ZNF175: variants seen among roughly 807,000 people sequenced by gnomAD.
ZNF175 encodes the protein zinc finger protein OTK18.
ZNF175 carries 8 observed loss-of-function variants against 14.0 expected under a neutral mutation model. The observed-to-expected ratio is 0.57, with a 90% CI of 0.34 to 1.03. The LOEUF is 1.03. Ranked by LOEUF, ZNF175 falls within the 50% of genes least tolerant of loss-of-function variation. ZNF175 has a pLI of 0.03. For missense variants in ZNF175, 764 were observed against 849.5 expected (o/e 0.90, Z 1.25); for synonymous variants, 255 against 296.8 (o/e 0.86, Z 1.45).
In ZNF175 at chr19:51,587,162, A is replaced by G; in HGVS notation, c.831A>G (p.Lys277=). Residue 277 remains lysine, a synonymous_variant, in exon 5 of 5, where the codon AAA becomes AAG. Transcript: ENST00000262259. ...AACATCAAATTCATACTCAGAAGAA[A>G]CCAGATGGATGTTCTGAATGTGGGG... ...LKQHQIHTQK[K]PDGCSECGGS... 1 of 1,614,204 alleles carries G rather than the reference A, an allele frequency of 6.2e-7. No individual in the cohort carries two copies. The highest frequency in any genetic ancestry group is 8.5e-7 in the Non-Finnish European group (1 of 1,180,026).
Position 51,589,518 on chromosome 19 carries a change from C to G in ZNF175, c.*1051C>G. 2 of 700,850 alleles carry G rather than the reference C, an allele frequency of 2.9e-6. No individual in the cohort carries two copies. Among genetic ancestry groups the G allele is most frequent in the Non-Finnish European group, 5.2e-6 (2 of 384,376 alleles). 43.4% of individuals were successfully genotyped at this position (700,850 alleles called of 1,614,324 possible). ...ATGAGATTCTATAATGTTTACTGAT[C>G]TTTATATTACAGATTTTCTCTTCTT... On this transcript the variant is annotated 3_prime_UTR_variant, in exon 5 of 5. Transcript: ENST00000262259.
At chr19:51,575,208 GGTTTTTTTTTTTT>G (rs1224479512) in intron 2 of ZNF175, among the ~76,000 whole-genome samples, 2,481 of 99,320 alleles carry the variant, frequency 0.025, 119 homozygotes, top group African/African-American at 0.092. Flanking sequence ...TTTTTAGAGA[GGTTTTTTTTTTTT>G]TTTTTTTTTT....
At chr19:51,583,736 A>G (rs1982085392) in intron 4 of ZNF175, among the ~76,000 whole-genome samples, 1 of 152,182 alleles carries the variant, frequency 6.6e-6, no homozygotes. Context: ...CTTTTCAGTG[A>G]TATTGTCCTC....
chr19:51,573,383 G>A lies in ZNF175; in HGVS notation c.54G>A (p.Lys18=). ...AGCCTCAGGTCCTGGGTCCAGAGAA[G>A]CAGGATGGATCTTGCGAGGTAAACA... The part of the protein sequence containing the change: ...SQKPQVLGPE[K]QDGSCEASVS... The change falls in exon 2 of 5, where the codon AAG becomes AAA. Residue 18 remains lysine, a synonymous_variant. Coordinates refer to ENST00000262259, the MANE Select transcript of ZNF175 (RefSeq NM_007147.4). The A allele has an allele frequency of 6.2e-7, 1 of 1,612,508 alleles. No homozygotes were observed. The highest frequency in any genetic ancestry group is 2.2e-5 in the East Asian group (1 of 44,662).
chr19:51,571,823 A>C (rs1034103653), intron 1 of ZNF175, among the ~76,000 whole-genome samples: 1 of 152,184 alleles, frequency 6.6e-6, no homozygotes, highest in African/African-American at 2.4e-5. Flanking sequence ...CAGAGGTTGG[A>C]GGACTTTGAG....
intron 2 of ZNF175, among the ~76,000 whole-genome samples, chr19:51,576,252 C>T (rs1366915079): frequency 6.6e-6 from 1 of 151,110 alleles, no homozygotes; most frequent in Admixed American, 6.6e-5. Flanking sequence ...TGGGTTCAAG[C>T]CATTCTCCTG....
rs374825566 is a variant in ZNF175 at position 51,577,853 on chromosome 19, T to C, written c.73-3538T>C. On this transcript the variant is annotated intron_variant, in intron 2 of 4. Transcript: ENST00000262259. ...TAATTTTTTGTATTTTTAGTAGAGA[T>C]GGGGTTTCACCGTGTTAGCCAGGAT... Among the ~76,000 whole-genome samples the C allele has an allele frequency of 5.4e-3, 812 of 151,480 alleles. 8 individuals are homozygous for C. Among genetic ancestry groups the C allele is most frequent in the Middle Eastern group, 0.017 (5 of 292 alleles).
chr19:51,577,745 G>C lies in ZNF175; in HGVS notation c.73-3646G>C, dbSNP rs1037257101. Among the ~76,000 whole-genome samples the C allele has an allele frequency of 6.9e-5, 10 of 145,216 alleles. No homozygotes were observed. In the East Asian group the frequency reaches 1.3e-3, roughly 19 times the overall value. ...GTGGCACGATCTTGGCTCACTGCAA[G>C]CTCCGCCTCCCGGGTTCACGCCATT... On this transcript the variant is annotated intron_variant, in intron 2 of 4. Coordinates refer to ENST00000262259, the MANE Select transcript of ZNF175 (RefSeq NM_007147.4).
Position 51,589,227 on chromosome 19 carries a change from C to T in ZNF175, c.*760C>T. ...CTATGTATGTATATATATGCATATG[C>T]AGACATATGTATATGGTCTGGTCAG... On this transcript the variant is annotated 3_prime_UTR_variant, in exon 5 of 5. Coordinates refer to ENST00000262259, the MANE Select transcript of ZNF175 (RefSeq NM_007147.4). 3.4e-6 allele frequency: 1 copy of T among 293,254 alleles called. No homozygotes were observed. The highest frequency in any genetic ancestry group is 8.3e-5 in the South Asian group (1 of 12,118). 18.2% of individuals were successfully genotyped at this position (293,254 alleles called of 1,614,324 possible). A position where few individuals can be genotyped will look rare whatever the true frequency, so the allele number is the denominator to read the frequency against.
Position 51,589,481 on chromosome 19 carries a change from G to A in ZNF175, c.*1014G>A, listed in dbSNP as rs1446791178. 2.9e-6 allele frequency: 2 copies of A among 687,570 alleles called. No homozygotes were observed. Among genetic ancestry groups the A allele is most frequent in the South Asian group, 1.6e-5 (1 of 64,164 alleles). 42.6% of individuals were successfully genotyped at this position (687,570 alleles called of 1,614,324 possible). On this transcript the variant is annotated 3_prime_UTR_variant, in exon 5 of 5. Coordinates refer to ENST00000262259, the MANE Select transcript of ZNF175 (RefSeq NM_007147.4). ...ACATACACATGAATGTGCATTTTTGGTAAATGCATAAATGAGATTCTATAA... is the reference window on the plus strand; with the variant it reads ...ACATACACATGAATGTGCATTTTTGATAAATGCATAAATGAGATTCTATAA...
chr19:51,581,303 A>G lies in ZNF175; in HGVS notation c.73-88A>G. The G allele has an allele frequency of 7.5e-6, 12 of 1,596,020 alleles. No homozygotes were observed. In the South Asian group the frequency reaches 1.3e-4, roughly 18 times the overall value. ...GCCTCTGTGATGGATCGTGGTGAAA[A>G]TCATTAAAAGCATGTTCCTCCTATA... On this transcript the variant is annotated intron_variant, in intron 2 of 4. Transcript: ENST00000262259.
At chr19:51,585,109 G>A (rs151190729) in intron 4 of ZNF175, among the ~76,000 whole-genome samples, 3 of 152,178 alleles carry the variant, frequency 2.0e-5, no homozygotes, top group Admixed American at 6.5e-5. Context: ...AACAAAATGT[G>A]GTCTATACAT....
chr19:51,583,259 C>T (rs1385266387), intron 4 of ZNF175, among the ~76,000 whole-genome samples: 2 of 152,184 alleles, frequency 1.3e-5, no homozygotes, highest in Admixed American at 1.3e-4. Flanking sequence ...ACCTCTAGTC[C>T]CTGTGCTTAA....
Position 51,589,884 on chromosome 19 carries a change from AAC to A in ZNF175, c.*1427_*1428del. 2.5e-5 allele frequency: 12 copies of A among 475,154 alleles called. No homozygotes were observed. The highest frequency in any genetic ancestry group is 6.7e-5 in the East Asian group (2 of 29,762). The allele number at this position is 475,154 out of a possible 1,614,324, so 29.4% of individuals were successfully genotyped here. On this transcript the variant is annotated 3_prime_UTR_variant, in exon 5 of 5. Transcript: ENST00000262259. ...TTTGCCAGCACATGATACACACACAAACACACACACATACACACATATTACTA... is the reference window on the plus strand; with the variant it reads ...TTTGCCAGCACATGATACACACACAAACACACACATACACACATATTACTA...
rs1982102917 is a variant in ZNF175 at position 51,584,344 on chromosome 19, A to G, written c.296-2283A>G. ...AGCAGATGAAGCAAGCTTAATGGGA[A>G]TAGAGGACATGAGAGTGTGCTTGGA... On this transcript the variant is annotated intron_variant, in intron 4 of 4. Transcript: ENST00000262259. Among the ~76,000 whole-genome samples, 3 of 152,328 alleles carry G rather than the reference A, an allele frequency of 2.0e-5. 1 individual carries two copies. In the South Asian group the frequency reaches 6.2e-4, roughly 32 times the overall value.
chr19:51,573,324 G>C lies in ZNF175; in HGVS notation c.-6G>C. Reference sequence around the variant, plus strand: ...GAGAGACCGAGAGTAGAAGCCCAGAGTGGAGATGCCTGCTGATGTGAATTT... The same window carrying C: ...GAGAGACCGAGAGTAGAAGCCCAGACTGGAGATGCCTGCTGATGTGAATTT... On this transcript the variant is annotated 5_prime_UTR_variant, in exon 2 of 5. Coordinates refer to ENST00000262259, the MANE Select transcript of ZNF175 (RefSeq NM_007147.4). 1 of 1,613,190 alleles carries C rather than the reference G, an allele frequency of 6.2e-7. No individual in the cohort carries two copies. The highest frequency in any genetic ancestry group is 8.5e-7 in the Non-Finnish European group (1 of 1,179,656).
intron 2 of ZNF175, among the ~76,000 whole-genome samples, chr19:51,577,698 C>G (rs1473911768): frequency 7.4e-6 from 1 of 135,888 alleles, no homozygotes; most frequent in East Asian, 2.4e-4. Flanking sequence ...GAGTCTCACT[C>G]TGTCGCCCAG....
intron 2 of ZNF175, among the ~76,000 whole-genome samples, chr19:51,577,726 C>G (rs544107385): frequency 5.5e-5 from 8 of 146,316 alleles, no homozygotes; most frequent in Non-Finnish European, 8.9e-5. Context: ...TGCAGTGGCA[C>G]GATCTTGGCT....
chr19:51,588,754 G>T lies in ZNF175; in HGVS notation c.*287G>T. 2.4e-6 allele frequency: 1 copy of T among 424,894 alleles called. No individual in the cohort carries two copies. Among genetic ancestry groups the T allele is most frequent in the Non-Finnish European group, 4.1e-6 (1 of 241,774 alleles). 26.3% of individuals were successfully genotyped at this position (424,894 alleles called of 1,614,324 possible). ...AACCCTGACTAACGCATTGAGAAAA[G>T]CCTTTCTGTAAAGAATGGTACAAGA... On this transcript the variant is annotated 3_prime_UTR_variant, in exon 5 of 5. Coordinates refer to ENST00000262259, the MANE Select transcript of ZNF175 (RefSeq NM_007147.4).
Sources: allele counts gnomAD v4.1 joint callset (sites outside exome capture counted in the v4.1 genomes callset), GRCh38; gene constraint gnomAD v4.1.1; transcripts MANE v1.5; gene names NCBI Gene and HGNC (gene_info 2026-07-23, HGNC 2026-07-21).